The following PTCH1 variants were observed in gnomAD, a reference collection of about 807,000 sequenced individuals.
PTCH1 encodes patched 1.
Under a neutral mutation model 144.6 loss-of-function variants are expected in PTCH1, and 14 were observed. The ratio of observed to expected loss-of-function variants is 0.10; its 90% CI spans 0.06 to 0.15. The LOEUF (loss-of-function observed/expected upper bound fraction) is 0.15. Ranked by LOEUF, PTCH1 falls within the 10% of genes least tolerant of loss-of-function variation. The probability of loss-of-function intolerance (pLI) is 1.00; values close to 1 mark genes in which losing one functional copy is unlikely to be tolerated. For missense variants in PTCH1, 1,623 were observed against 1,948.3 expected, an observed-to-expected ratio of 0.83 and a Z score of 3.14; for synonymous variants, 833 against 793.6, an observed-to-expected ratio of 1.05 and a Z score of -0.83.
In PTCH1 at chr9:95,470,586, A is replaced by C. The variant is rs1303365232; in HGVS notation, c.1729-655T>G. On this transcript the variant is annotated intron_variant, in intron 12 of 23. Transcript: ENST00000331920. ...TCACTCCATAACCTAGAATAAACAC[A>C]GGGCTAAATTCTGCAGTGCGTTGGC... Among the ~76,000 whole-genome samples, 3 of 152,212 alleles carry C rather than the reference A, an allele frequency of 2.0e-5. 1 individual carries two copies. In the East Asian group the frequency reaches 5.8e-4, roughly 29 times the overall value.
At chr9:95,497,453 G>A (rs1403015170) in intron 2 of PTCH1, among the ~76,000 whole-genome samples, 1 of 151,856 alleles carries the variant, frequency 6.6e-6, no homozygotes. Flanking sequence ...ATCCCTCAGT[G>A]CCACAGAACA....
intron 19 of PTCH1, among the ~76,000 whole-genome samples, chr9:95,454,050 C>A (rs1452407954): frequency 1.3e-5 from 2 of 152,220 alleles, no homozygotes; most frequent in Admixed American, 1.3e-4. Flanking sequence ...CACACTTCCT[C>A]ACGATTATGC....
chr9:95,491,694 G>T (rs1343148847), intron 2 of PTCH1, among the ~76,000 whole-genome samples: 2 of 152,152 alleles, frequency 1.3e-5, no homozygotes, highest in Admixed American at 6.5e-5. Flanking sequence ...TACAGCAGGA[G>T]GTAGCCTAGG....
intron 5 of PTCH1, among the ~76,000 whole-genome samples, chr9:95,480,907 AT>A (rs3215875): frequency 0.13 from 19,181 of 150,254 alleles, 2,193 homozygotes; most frequent in East Asian, 0.6. Context: ...CCAAAATTAA[AT>A]TTTTTTTTTT....
At chr9:95,507,799 G>T in intron 1 of PTCH1, 1 of 450,894 alleles carries the variant, frequency 2.2e-6, no homozygotes. Flanking sequence ...AAGAAGTTCA[G>T]GGCAGGGGGC....
chr9:95,468,878 G>A lies in PTCH1; in HGVS notation c.2123C>T (p.Thr708Ile), dbSNP rs1060502290. Residue 708 changes from threonine (T) to isoleucine (I), a missense_variant, in exon 14 of 24, where the codon ACA (threonine) becomes ATA (isoleucine). Thr to Ile is a moderately conservative substitution (Grantham distance 89). Coordinates refer to ENST00000331920, the MANE Select transcript of PTCH1 (RefSeq NM_000264.5). ...SCQSPESTSS[T>I]RDLLSQFSDS... ...GGAGAACTGGGAGAGCAGGTCCCTT[G>A]TGGAGCTGGTGCTCTCTGGGCTCTG... 3.1e-6 allele frequency: 5 copies of A among 1,614,210 alleles called. No individual in the cohort carries two copies. The Admixed American group carries it at 5.0e-5, about 16-fold the overall frequency.
rs974124279 is a variant in PTCH1 at position 95,448,408 on chromosome 9, C to G, written c.3804+661G>C. Among the ~76,000 whole-genome samples the G allele has an allele frequency of 2.6e-5, 4 of 152,122 alleles. No homozygotes were observed. In the East Asian group the frequency reaches 7.7e-4, roughly 29 times the overall value. ...TGAGTTTTCAGGGCTGAGCCCATCCCAGGGAGCACAGGGTGGAGGAAAGGA... is the reference window on the plus strand; with the variant it reads ...TGAGTTTTCAGGGCTGAGCCCATCCGAGGGAGCACAGGGTGGAGGAAAGGA... On this transcript the variant is annotated intron_variant, in intron 22 of 23. Transcript: ENST00000331920.
In PTCH1 at chr9:95,449,368, C is replaced by T; in HGVS notation, c.3550-45G>A. 1.3e-6 allele frequency: 2 copies of T among 1,538,022 alleles called. No individual in the cohort carries two copies. The highest frequency in any genetic ancestry group is 1.2e-5 in the South Asian group (1 of 84,086). On this transcript the variant is annotated intron_variant, in intron 21 of 23. Coordinates refer to ENST00000331920, the MANE Select transcript of PTCH1 (RefSeq NM_000264.5). This position sits in a 1 kb window ranked among gnomAD's most constrained non-coding sequence, Gnocchi z 5.3. ...GTTAAAAGTGTTCTTGTCCATTTAC[C>T]TGCTGGCCACACTCAAAGCTCAAAG...
Position 95,458,035 on chromosome 9 carries a change from T to A in PTCH1, c.3146A>T (p.Asn1049Ile). The A allele has an allele frequency of 6.2e-7, 1 of 1,613,514 alleles. No homozygotes were observed. The highest frequency in any genetic ancestry group is 8.5e-7 in the Non-Finnish European group (1 of 1,179,956). ...CACAATGATCCCGGCCGTCCAGGGG[T>A]TCAGAAGGAAGACAGCGCACACGAG... is the stretch of plus-strand genomic sequence containing the variant. ...TFLVCAVFLL[N>I]PWTAGIIVMV... is the part of the protein sequence containing the mutation. The change falls in exon 18 of 24, where the codon AAC becomes ATC. Residue 1049 changes from asparagine to isoleucine, a missense_variant. Physicochemically the swap from Asn to Ile is moderately radical, Grantham distance 149. This residue lies in a region of PTCH1 where 504 missense variants were observed against 679.3 expected (regional missense o/e 0.74). Coordinates refer to ENST00000331920, the MANE Select transcript of PTCH1 (RefSeq NM_000264.5). The surrounding 1 kb of genome is among the most constrained non-coding windows in gnomAD (Gnocchi z 4.7).
Position 95,509,112 on chromosome 9 carries a change from G to A in PTCH1, c.-751C>T, listed in dbSNP as rs1250970274. ...GGACCATTCTGTCCCCGTGCAGCGC[G>A]CCTCTCTCGCTCCCGGGACCTGGGG... On this transcript the variant is annotated 5_prime_UTR_variant, in exon 1 of 24. Transcript: ENST00000331920. Among the ~76,000 whole-genome samples the A allele has an allele frequency of 6.6e-6, 1 of 152,118 alleles. No homozygotes were observed. Among genetic ancestry groups the A allele is most frequent in the East Asian group, 1.9e-4 (1 of 5,182 alleles).
intron 5 of PTCH1, among the ~76,000 whole-genome samples, chr9:95,481,306 A>G (rs1344744046): frequency 2.0e-5 from 3 of 152,242 alleles, no homozygotes; most frequent in African/African-American, 7.2e-5. Flanking sequence ...GGCCACTGCA[A>G]ATTGCTTTTG....
At chr9:95,512,031 T>C (rs1286645294), upstream of PTCH1, among the ~76,000 whole-genome samples, 1 of 152,164 alleles carries the variant, frequency 6.6e-6, no homozygotes, top group Non-Finnish European at 1.5e-5. Flanking sequence ...TATAGCTTGT[T>C]TGGAAGAAGG....
At chr9:95,483,416 A>G (rs1028470115) in intron 3 of PTCH1, 1 of 151,142 alleles carries the variant, frequency 6.6e-6, no homozygotes, top group Non-Finnish European at 1.5e-5. Flanking sequence ...GAAGGAAAAA[A>G]AAAAAAAAAA....
At chr9:95,452,693 C>T in intron 20 of PTCH1, 1 of 152,304 alleles carries the variant, frequency 6.6e-6, no homozygotes, top group East Asian at 1.9e-4. Flanking sequence ...AGAGTTGACA[C>T]CAAAGTCCAA....
intron 2 of PTCH1, among the ~76,000 whole-genome samples, chr9:95,487,307 A>G (rs1459645616): frequency 6.6e-6 from 1 of 152,200 alleles, no homozygotes. Context: ...GTTGGTTAAT[A>G]AAAAGGAATA....
At chr9:95,448,002 T>C (rs1564007062) in intron 22 of PTCH1, among the ~76,000 whole-genome samples, 1 of 152,210 alleles carries the variant, frequency 6.6e-6, no homozygotes, top group African/African-American at 2.4e-5. Context: ...GTGGCTCCCA[T>C]CCTGGAAAGC....
chr9:95,469,961 C>T (rs1052777945), intron 12 of PTCH1, 30 bp from the exon 13 acceptor site: 1 of 1,492,172 alleles, frequency 6.7e-7, no homozygotes, highest in Non-Finnish European at 9.4e-7. Context: ...TCAGAGGTCA[C>T]CAACATGCCT....
chr9:95,516,533 T>G lies in PTCH1; in HGVS notation c.-62A>C. ...GATGGCGCGGACGCTGGGCTTGGAT[T>G]TCACATCAATTCCTTTTTTTTCCCT... On this transcript the variant is annotated 5_prime_UTR_variant, in exon 1 of 23. Coordinates refer to the PTCH1 transcript ENST00000430669. 9.8e-6 allele frequency: 15 copies of G among 1,537,270 alleles called. No homozygotes were observed. In the South Asian group the frequency reaches 1.8e-4, roughly 19 times the overall value.
intron 2 of PTCH1, 92 bp from the exon 3 acceptor site, chr9:95,485,966 ATAGATGAACTC>A: frequency 7.3e-7 from 1 of 1,377,928 alleles, no homozygotes; most frequent in Non-Finnish European, 1.0e-6. Context: ...AGGATACACA[ATAGATGAACTC>A]TAGTCATGAG....
Sources: gnomAD v4.1 joint callset for allele counts (sites outside exome capture counted in the v4.1 genomes callset) on GRCh38, gnomAD v4.1.1 for gene constraint, gnomAD v4.1.1 regional missense constraint, Gnocchi (gnomAD v3.1) non-coding constraint, MANE v1.5 for transcripts, NCBI Gene and HGNC (gene_info 2026-07-23, HGNC 2026-07-21) for gene names.